Variants in PPFIBP1 observed in about 807,000 individuals in gnomAD.
The protein encoded by PPFIBP1 is PPFIB scaffold protein 1.
PPFIBP1 carries 112 observed loss-of-function variants against 137.8 expected under a neutral mutation model. The observed-to-expected ratio is 0.81, with a 90% confidence interval of 0.70 to 0.95. The LOEUF is 0.95. PPFIBP1 is among the 40% of genes least tolerant of loss of function. PPFIBP1 has a pLI of 0.00. For missense variants in PPFIBP1, 1,083 were observed against 1,196.6 expected (o/e 0.91, Z 1.40); for synonymous variants, 378 against 417.3 (o/e 0.91, Z 1.15).
chr12:27,633,093 C>T (rs1233113543), intron 2 of PPFIBP1, among the ~76,000 whole-genome samples: 3 of 152,112 alleles, frequency 2.0e-5, no homozygotes, highest in Non-Finnish European at 4.4e-5. Flanking sequence ...TTTACAGAGG[C>T]CTAGAGTTCT....
At chr12:27,530,660 T>C (rs552488732) in intron 1 of PPFIBP1, among the ~76,000 whole-genome samples, 6 of 152,302 alleles carry the variant, frequency 3.9e-5, no homozygotes, top group African/African-American at 1.2e-4. Flanking sequence ...AATTCACCAC[T>C]ATGTCCAGTT....
rs766560161 is a variant in PPFIBP1 at position 27,658,843 on chromosome 12, A to T, written c.839A>T (p.Glu280Val). The T allele has an allele frequency of 1.6e-5, 26 of 1,613,074 alleles. No individual in the cohort carries two copies. Among genetic ancestry groups the T allele is most frequent in the Non-Finnish European group, 2.2e-5 (26 of 1,179,344 alleles). The change falls in exon 10 of 30, where the codon GAA (glutamate) becomes GTA (valine). Residue 280 changes from glutamate (E) to valine (V), a missense_variant. By Grantham distance (121) the Glu-to-Val change is moderately radical. Coordinates refer to ENST00000228425, the MANE Select transcript of PPFIBP1 (RefSeq NM_003622.4). ...RDENFKKKLK[E>V]KNIEVQKMKK... ...GAAAATTTTAAAAAGAAGCTCAAAG[A>T]AAAAAGTAAGGTTTGGTGCATTTCC...
intron 26 of PPFIBP1, among the ~76,000 whole-genome samples, chr12:27,688,688 C>T (rs1287928437): frequency 3.3e-5 from 5 of 151,976 alleles, no homozygotes; most frequent in Admixed American, 3.3e-4. Context: ...TTTGAAAACC[C>T]CTGCAAGGAT....
At chr12:27,548,672 G>T (rs547612633) in intron 1 of PPFIBP1, 4 of 152,230 alleles carry the variant, frequency 2.6e-5, no homozygotes, top group Admixed American at 1.3e-4. Flanking sequence ...AAGTGAAGGA[G>T]GCAATGGGTT....
In PPFIBP1 at chr12:27,660,871, A is replaced by C. The variant is rs1463970881; in HGVS notation, c.845-13A>C. The C allele has an allele frequency of 1.2e-6, 2 of 1,613,004 alleles. No individual in the cohort carries two copies. Among genetic ancestry groups the C allele is most frequent in the Non-Finnish European group, 1.7e-6 (2 of 1,179,634 alleles). On this transcript the variant is annotated splice_polypyrimidine_tract_variant and intron_variant, in intron 10 of 29. Transcript: ENST00000228425. Reference sequence around the variant, plus strand: ...GTGAACTGAACTGACTTCTGATTTGATGTTATTTTCAGACATCGAAGTACA... The same window carrying C: ...GTGAACTGAACTGACTTCTGATTTGCTGTTATTTTCAGACATCGAAGTACA...
In PPFIBP1 at chr12:27,693,062, T is replaced by C; in HGVS notation, c.*180T>C. On this transcript the variant is annotated 3_prime_UTR_variant, in exon 30 of 30. Transcript: ENST00000228425. ...CCGATTCTGAAGTTGCCACAAAAAA[T>C]AAGACACTGGTGAATGAGAGTATAA... 1.2e-6 allele frequency: 1 copy of C among 859,924 alleles called. No homozygotes were observed. The highest frequency in any genetic ancestry group is 2.9e-5 in the East Asian group (1 of 34,884). 53.3% of individuals were successfully genotyped at this position (859,924 alleles called of 1,614,324 possible). A position where few individuals can be genotyped will look rare whatever the true frequency, so the allele number is the denominator to read the frequency against.
At chr12:27,548,782 T>C (rs914144000) in intron 1 of PPFIBP1, 1 of 151,880 alleles carries the variant, frequency 6.6e-6, no homozygotes, top group African/African-American at 2.4e-5. Context: ...TGATCGGGGG[T>C]GTGTGTTCAG....
chr12:27,621,066 A>G (rs775469870), intron 2 of PPFIBP1, among the ~76,000 whole-genome samples: 16 of 152,228 alleles, frequency 1.1e-4, no homozygotes, highest in Non-Finnish European at 2.2e-4. Context: ...CAATGGGTGA[A>G]TGAGAGAAGA....
At chr12:27,566,660 T>C (rs2049704595) in intron 1 of PPFIBP1, among the ~76,000 whole-genome samples, 1 of 152,206 alleles carries the variant, frequency 6.6e-6, no homozygotes, top group Non-Finnish European at 1.5e-5. Context: ...GCTTATTGTT[T>C]GCTAAGCTCT....
chr12:27,654,458 T>G, intron 7 of PPFIBP1: 1 of 286,496 alleles, frequency 3.5e-6, no homozygotes. Context: ...TACACTACCT[T>G]TCTTAATCAA....
At chr12:27,570,824 A>G (rs2050080708) in intron 1 of PPFIBP1, among the ~76,000 whole-genome samples, 1 of 152,126 alleles carries the variant, frequency 6.6e-6, no homozygotes, top group Non-Finnish European at 1.5e-5. Context: ...GAGGCAGGAG[A>G]ATGGCGTGAA....
chr12:27,657,925 C>T (rs1322077028), intron 9 of PPFIBP1, among the ~76,000 whole-genome samples: 1 of 151,730 alleles, frequency 6.6e-6, no homozygotes, highest in Non-Finnish European at 1.5e-5. Context: ...CTGGGCAACA[C>T]AATGAGACCC....
intron 2 of PPFIBP1, chr12:27,592,328 T>C (rs1157224598): frequency 1.8e-5 from 10 of 567,482 alleles, no homozygotes; most frequent in Admixed American, 7.4e-5. Flanking sequence ...GATGGTGTGC[T>C]GGAAGAGGAA....
chr12:27,679,262 A>G (rs2060741963), intron 19 of PPFIBP1, among the ~76,000 whole-genome samples: 1 of 152,130 alleles, frequency 6.6e-6, no homozygotes. Context: ...ATCCTATCAC[A>G]TTCTTTTAAT....
intron 2 of PPFIBP1, among the ~76,000 whole-genome samples, chr12:27,602,379 A>T (rs2054091033): frequency 6.6e-6 from 1 of 152,228 alleles, no homozygotes. Context: ...ACCACAATCA[A>T]GTTTATTAAC....
chr12:27,542,199 A>G (rs1044908519), intron 1 of PPFIBP1, among the ~76,000 whole-genome samples: 2 of 152,242 alleles, frequency 1.3e-5, no homozygotes, highest in East Asian at 1.9e-4. Context: ...AATAAAAAAT[A>G]CAATGCAACA....
chr12:27,539,280 C>T (rs1298575598), intron 1 of PPFIBP1, among the ~76,000 whole-genome samples: 4 of 152,132 alleles, frequency 2.6e-5, no homozygotes, highest in African/African-American at 4.8e-5. Context: ...TCATGCTGTC[C>T]TGTTTAGGAG....
intron 2 of PPFIBP1, chr12:27,592,580 T>C: frequency 6.0e-6 from 9 of 1,505,658 alleles, no homozygotes; most frequent in Non-Finnish European, 8.3e-6. Context: ...TGATACCTCC[T>C]CAGCAGAGGG....
At chr12:27,601,469 G>A (rs2053979616) in intron 2 of PPFIBP1, among the ~76,000 whole-genome samples, 1 of 152,120 alleles carries the variant, frequency 6.6e-6, no homozygotes, top group African/African-American at 2.4e-5. Context: ...AGAGTGTTTT[G>A]GTGTACACAA....
Sources: allele counts gnomAD v4.1 joint callset (sites outside exome capture counted in the v4.1 genomes callset), GRCh38; gene constraint gnomAD v4.1.1; transcripts MANE v1.5; gene names NCBI Gene and HGNC (gene_info 2026-07-23, HGNC 2026-07-21).